CFAP20DC: variants seen among roughly 807,000 people sequenced by gnomAD.
CFAP20DC encodes protein CFAP20DC.
Under a neutral mutation model 101.7 loss-of-function variants are expected in CFAP20DC, and 84 were observed. The ratio of observed to expected loss-of-function variants is 0.83; its 90% CI spans 0.69 to 0.99. CFAP20DC has a LOEUF of 0.99. CFAP20DC is among the 50% of genes least tolerant of loss of function. CFAP20DC has a pLI of 0.00. For synonymous variants in CFAP20DC, 359 were observed against 351.2 expected, an observed-to-expected ratio of 1.02 and a Z score of -0.25; for missense variants, 1,007 against 970.3, an observed-to-expected ratio of 1.04 and a Z score of -0.50.
chr3:58,871,756 G>C (rs559884783), intron 7 of CFAP20DC, among the ~76,000 whole-genome samples: 3 of 152,194 alleles, frequency 2.0e-5, no homozygotes, highest in African/African-American at 7.2e-5. Flanking sequence ...TCGAACTCCT[G>C]ACCTCAAGTG....
chr3:59,008,855 TATA>T (rs1290552122), intron 4 of CFAP20DC, among the ~76,000 whole-genome samples: 4 of 151,576 alleles, frequency 2.6e-5, no homozygotes, highest in Non-Finnish European at 5.9e-5. Context: ...AAACTTAAAG[TATA>T]ATAATAATAA....
intron 1 of CFAP20DC, 67 bp from the exon 2 acceptor site, chr3:59,047,321 A>G: frequency 9.5e-7 from 1 of 1,048,504 alleles, no homozygotes; most frequent in Admixed American, 2.2e-5. Context: ...CACATAGTCT[A>G]TAACCAGTGT....
At chr3:58,820,706 T>G (rs1461604653) in intron 14 of CFAP20DC, among the ~76,000 whole-genome samples, 5 of 149,080 alleles carry the variant, frequency 3.4e-5, no homozygotes, top group African/African-American at 9.9e-5. Flanking sequence ...ATCGTGAAAA[T>G]GGCCATACTG....
chr3:58,716,989 A>C (rs1238645587), downstream of CFAP20DC, among the ~76,000 whole-genome samples: 1 of 152,072 alleles, frequency 6.6e-6, no homozygotes, highest in Non-Finnish European at 1.5e-5. Flanking sequence ...ACCCTACACC[A>C]CTGGACCCCT....
Position 58,799,418 on chromosome 3 carries a change from G to C in CFAP20DC, c.2237+6977C>G, listed in dbSNP as rs903908518. 2.0e-5 allele frequency among the ~76,000 whole-genome samples: 3 copies of C among 152,176 alleles called. No individual in the cohort carries two copies. The highest frequency in any genetic ancestry group is 4.4e-5 in the Non-Finnish European group (3 of 68,036). On this transcript the variant is annotated intron_variant, in intron 15 of 16. Coordinates refer to ENST00000482387, the MANE Select transcript of CFAP20DC (RefSeq NM_001394063.1). The surrounding 1 kb of genome is among the most constrained non-coding windows in gnomAD (Gnocchi z 4.9). The stretch of plus-strand genomic sequence containing the variant: ...GTTTCGTTTATTATAAATGGGAACA[G>C]GGCCAGGTACTAGAGACTCTTAAGG...
At chr3:58,927,769 C>G (rs1448309658) in intron 5 of CFAP20DC, among the ~76,000 whole-genome samples, 3 of 152,128 alleles carry the variant, frequency 2.0e-5, no homozygotes, top group African/African-American at 7.2e-5. Context: ...ACAGGAAGGC[C>G]ACTAGAGATG....
chr3:58,944,072 T>C (rs2089010023), intron 4 of CFAP20DC, among the ~76,000 whole-genome samples: 1 of 152,136 alleles, frequency 6.6e-6, no homozygotes, highest in South Asian at 2.1e-4. Context: ...GATGGAACTA[T>C]GTAAAATGAC....
At chr3:58,996,404 C>T (rs1346085002) in intron 4 of CFAP20DC, among the ~76,000 whole-genome samples, 1 of 152,060 alleles carries the variant, frequency 6.6e-6, no homozygotes. Context: ...AAAACCTTTA[C>T]CAAAAAAACA....
At chr3:58,733,178 A>G (rs2067678882) in intron 3 of CFAP20DC, among the ~76,000 whole-genome samples, 1 of 152,086 alleles carries the variant, frequency 6.6e-6, no homozygotes, top group Non-Finnish European at 1.5e-5. Flanking sequence ...CTAAAAATAC[A>G]AAAAATAGCT....
chr3:58,815,165 G>C (rs2075010725), intron 14 of CFAP20DC, among the ~76,000 whole-genome samples: 1 of 151,468 alleles, frequency 6.6e-6, no homozygotes. Flanking sequence ...CAGAGATATA[G>C]ATCAATGGAA....
At position 59,049,815 on chromosome 3, in the gene CFAP20DC, T is replaced by C. The variant is rs1576841375; in HGVS notation, c.-184A>G. The C allele has an allele frequency of 1.5e-6, 1 of 666,198 alleles. No individual in the cohort carries two copies. Among genetic ancestry groups the C allele is most frequent in the Non-Finnish European group, 2.5e-6 (1 of 397,828 alleles). 41.3% of individuals were successfully genotyped at this position (666,198 alleles called of 1,614,324 possible). A position where few individuals can be genotyped will look rare whatever the true frequency, so the allele number is the denominator to read the frequency against. ...CCTCCGGCCCCTGGTCAGCTCCATC[T>C]CCCGCCCTCCATCAGCACCATTGCG... is the stretch of plus-strand genomic sequence containing the variant. On this transcript the variant is annotated 5_prime_UTR_variant, in exon 1 of 17. Transcript: ENST00000482387.
In CFAP20DC at chr3:58,913,778, GAC is replaced by G. The variant is rs1456740681; in HGVS notation, c.478_479del (p.Val160LeufsTer3). The G allele has an allele frequency of 1.2e-6, 2 of 1,613,540 alleles. No homozygotes were observed. Among genetic ancestry groups the G allele is most frequent in the Non-Finnish European group, 1.7e-6 (2 of 1,179,760 alleles). On this transcript the variant is annotated frameshift_variant, in exon 6 of 17. Transcript: ENST00000482387. LOFTEE classifies it high-confidence loss of function. The surrounding 1 kb of genome is among the most constrained non-coding windows in gnomAD (Gnocchi z 4.4). ...TCTTCCGTAGCTTACAGTTAGCTGA[GAC>G]AACAATTCCATCCAATGACTGGAAA... ...AVFQSLDGIVVSANCKLRKIF... is the reference protein window; with the variant it reads ...AVFQSLDGIVXSANCKLRKIF...
intron 14 of CFAP20DC, among the ~76,000 whole-genome samples, chr3:58,820,967 T>A (rs202132618): frequency 2.7e-5 from 4 of 147,648 alleles, no homozygotes; most frequent in African/African-American, 5.2e-5. Context: ...TGGAACAGAA[T>A]AGAGCCCTCA....
chr3:58,832,855 A>C (rs972654789), intron 13 of CFAP20DC, among the ~76,000 whole-genome samples: 1 of 152,230 alleles, frequency 6.6e-6, no homozygotes, highest in Non-Finnish European at 1.5e-5. Context: ...ATTAATTTCA[A>C]CATTACTAAA....
chr3:58,779,455 A>G (rs2071628105), intron 15 of CFAP20DC, among the ~76,000 whole-genome samples: 1 of 152,234 alleles, frequency 6.6e-6, no homozygotes, highest in South Asian at 2.1e-4. Flanking sequence ...ATTCAGCTAG[A>G]GGATACAACC....
intron 14 of CFAP20DC, chr3:58,824,414 T>C (rs542894774): frequency 1.3e-5 from 2 of 152,314 alleles, no homozygotes; most frequent in Admixed American, 1.3e-4. Flanking sequence ...GCTGTTGCTA[T>C]GTGCTAGTGC....
At chr3:58,886,532 G>T (rs1027066961) in intron 6 of CFAP20DC, among the ~76,000 whole-genome samples, 1 of 151,660 alleles carries the variant, frequency 6.6e-6, no homozygotes, top group African/African-American at 2.4e-5. Flanking sequence ...GACCAGCCTG[G>T]GTAACATAGC....
At chr3:58,767,921 T>G (rs1483895126) in intron 15 of CFAP20DC, among the ~76,000 whole-genome samples, 2 of 152,232 alleles carry the variant, frequency 1.3e-5, no homozygotes, top group Non-Finnish European at 1.5e-5. Flanking sequence ...TCAAGTAGTT[T>G]TGGCTGTTCA....
At chr3:58,765,392 C>T (rs1331651972) in intron 15 of CFAP20DC, among the ~76,000 whole-genome samples, 1 of 137,976 alleles carries the variant, frequency 7.2e-6, no homozygotes, top group African/African-American at 2.7e-5. Flanking sequence ...GTGTGCCAGG[C>T]TGTGTGGGGA....
Sources: gnomAD v4.1 joint callset for allele counts (sites outside exome capture counted in the v4.1 genomes callset) on GRCh38, gnomAD v4.1.1 for gene constraint, Gnocchi (gnomAD v3.1) non-coding constraint, MANE v1.5 for transcripts, NCBI Gene and HGNC (gene_info 2026-07-23, HGNC 2026-07-21) for gene names.